SNTG1: variants seen among roughly 807,000 people sequenced by gnomAD.
SNTG1 encodes syntrophin gamma 1.
A neutral mutation model predicts 74.7 loss-of-function variants in SNTG1; 39 were observed. The observed-to-expected ratio is 0.52, with a 90% confidence interval of 0.40 to 0.68. SNTG1 has a LOEUF of 0.68. Among genes scored for constraint, SNTG1 ranks in the 30% least tolerant of loss-of-function variants. The probability of loss-of-function intolerance (pLI) is 0.00; values close to 1 mark genes in which losing one functional copy is unlikely to be tolerated. For missense variants in SNTG1, 685 were observed against 609.5 expected, an observed-to-expected ratio of 1.12 and a Z score of -1.30; for synonymous variants, 254 against 217.1, an observed-to-expected ratio of 1.17 and a Z score of -1.49.
intron 1 of SNTG1, among the ~76,000 whole-genome samples, chr8:50,143,224 A>T (rs1354572093): frequency 2.6e-5 from 4 of 152,320 alleles, no homozygotes; most frequent in Admixed American, 2.6e-4. Flanking sequence ...ACATTTGTTT[A>T]CATGTTTCTG....
At chr8:50,157,288 C>T (rs2082282539) in intron 1 of SNTG1, among the ~76,000 whole-genome samples, 1 of 151,964 alleles carries the variant, frequency 6.6e-6, no homozygotes. Flanking sequence ...AGTGACTGTG[C>T]CTGAGTGCTA....
intron 8 of SNTG1, among the ~76,000 whole-genome samples, chr8:50,471,146 C>T (rs1187950054): frequency 6.6e-6 from 1 of 152,036 alleles, no homozygotes; most frequent in Admixed American, 6.6e-5. Context: ...CCCCAGAAGC[C>T]CAGCCGGCTT....
intron 4 of SNTG1, among the ~76,000 whole-genome samples, chr8:50,424,809 T>C (rs1000882207): frequency 2.0e-5 from 3 of 152,326 alleles, no homozygotes; most frequent in African/African-American, 7.2e-5. Flanking sequence ...TAGGAAAATT[T>C]CAAAAGCCAT....
intron 1 of SNTG1, among the ~76,000 whole-genome samples, chr8:50,147,798 G>T (rs1166407724): frequency 6.6e-6 from 1 of 152,168 alleles, no homozygotes; most frequent in South Asian, 2.1e-4. Context: ...GCACATGCAT[G>T]GGATCTAGAA....
chr8:50,714,105 T>C (rs1003542027), intron 17 of SNTG1, among the ~76,000 whole-genome samples: 2 of 151,670 alleles, frequency 1.3e-5, no homozygotes, highest in African/African-American at 2.4e-5. Flanking sequence ...CTTTTCTTAT[T>C]GCTTGTTTTT....
chr8:49,929,741 G>C (rs749678229), intron 1 of SNTG1, among the ~76,000 whole-genome samples: 1 of 151,844 alleles, frequency 6.6e-6, no homozygotes, highest in East Asian at 1.9e-4. Context: ...TATACTTTAA[G>C]TTTTAGGGTA....
chr8:50,775,040 C>T (rs1439405950), intron 18 of SNTG1, among the ~76,000 whole-genome samples: 2 of 150,158 alleles, frequency 1.3e-5, no homozygotes, highest in Admixed American at 1.3e-4. Context: ...AGTGTTATAA[C>T]CCCCAAAATA....
At chr8:50,481,318 T>C (rs1323344580) in intron 8 of SNTG1, among the ~76,000 whole-genome samples, 1 of 151,948 alleles carries the variant, frequency 6.6e-6, no homozygotes, top group Non-Finnish European at 1.5e-5. Flanking sequence ...GAGACGGAGG[T>C]TGCAGTGAGC....
chr8:50,051,975 G>T (rs1369037070), intron 1 of SNTG1, among the ~76,000 whole-genome samples: 1 of 152,004 alleles, frequency 6.6e-6, no homozygotes, highest in African/African-American at 2.4e-5. Context: ...TTGTTAAGAT[G>T]TTTATACCTC....
At position 50,215,387 on chromosome 8, in the gene SNTG1, T is replaced by C. The variant is rs968204866; in HGVS notation, c.-28+42752T>C. On this transcript the variant is annotated intron_variant, in intron 2 of 18. Coordinates refer to ENST00000642720, the MANE Select transcript of SNTG1 (RefSeq NM_018967.5). Reference sequence around the variant, plus strand: ...AGAGAAATGTGTATATAAATATATATATGTGTATATATACTATATATATAT... The same window carrying C: ...AGAGAAATGTGTATATAAATATATACATGTGTATATATACTATATATATAT... Among the ~76,000 whole-genome samples, 42 of 147,756 alleles carry C rather than the reference T, an allele frequency of 2.8e-4. 1 individual carries two copies. Among genetic ancestry groups the C allele is most frequent in the Non-Finnish European group, 4.9e-4 (33 of 67,190 alleles).
chr8:50,409,439 G>C (rs1482649990), intron 4 of SNTG1, among the ~76,000 whole-genome samples: 1 of 152,154 alleles, frequency 6.6e-6, no homozygotes, highest in African/African-American at 2.4e-5. Flanking sequence ...GATAAAACCT[G>C]TTTCATCTGT....
chr8:50,297,585 G>C (rs568665960), intron 2 of SNTG1, among the ~76,000 whole-genome samples: 4 of 152,170 alleles, frequency 2.6e-5, no homozygotes, highest in Non-Finnish European at 5.9e-5. Flanking sequence ...CAACAGTCCA[G>C]ATGGCCCCTA....
intron 1 of SNTG1, among the ~76,000 whole-genome samples, chr8:49,928,122 CTG>C (rs1282346956): frequency 1.4e-5 from 2 of 146,888 alleles, no homozygotes; most frequent in Non-Finnish European, 3.0e-5. Context: ...GAGTGAGACT[CTG>C]TGAAACTCTG....
chr8:50,616,692 G>A (rs533485012), intron 13 of SNTG1, among the ~76,000 whole-genome samples: 3 of 152,334 alleles, frequency 2.0e-5, no homozygotes, highest in African/African-American at 7.2e-5. Flanking sequence ...TGTCACCAGT[G>A]TAGTGGACCT....
chr8:50,211,533 T>G (rs1437890151), intron 2 of SNTG1, among the ~76,000 whole-genome samples: 2 of 152,202 alleles, frequency 1.3e-5, no homozygotes, highest in East Asian at 1.9e-4. Flanking sequence ...GTTGCACCAA[T>G]GAGATTGCAA....
intron 15 of SNTG1, among the ~76,000 whole-genome samples, chr8:50,675,373 G>A (rs1280741391): frequency 1.3e-5 from 2 of 152,070 alleles, no homozygotes; most frequent in South Asian, 2.1e-4. Flanking sequence ...ATTTAGGATA[G>A]TTAGCTCTTC....
intron 2 of SNTG1, among the ~76,000 whole-genome samples, chr8:50,249,164 G>A (rs2086532350): frequency 6.6e-6 from 1 of 152,156 alleles, no homozygotes; most frequent in African/African-American, 2.4e-5. Flanking sequence ...AATGGTAACT[G>A]ATAGAGGAGG....
At chr8:50,180,757 T>G (rs1040802862) in intron 2 of SNTG1, among the ~76,000 whole-genome samples, 5 of 81,594 alleles carry the variant, frequency 6.1e-5, no homozygotes, top group African/African-American at 1.9e-4. Flanking sequence ...AGCCTTTTTT[T>G]TTTTTTTTTT....
At chr8:49,932,765 C>G (rs1807713380) in intron 1 of SNTG1, among the ~76,000 whole-genome samples, 1 of 152,100 alleles carries the variant, frequency 6.6e-6, no homozygotes, top group African/African-American at 2.4e-5. Flanking sequence ...CATTAGCTGT[C>G]ACTCCTCATT....
Sources: gnomAD v4.1 joint callset for allele counts (sites outside exome capture counted in the v4.1 genomes callset) on GRCh38, gnomAD v4.1.1 for gene constraint, MANE v1.5 for transcripts, NCBI Gene and HGNC (gene_info 2026-07-23, HGNC 2026-07-21) for gene names.